The following USH2A variants were observed in gnomAD, a reference collection of about 807,000 sequenced individuals.
USH2A encodes usherin, also known as Usher syndrome 2A (autosomal recessive, mild).
In USH2A, 443 loss-of-function variants were observed where a neutral mutation model predicts 538.9. That is an observed-to-expected ratio of 0.82 (90% CI 0.76 to 0.89). The LOEUF is 0.89. USH2A is among the 40% of genes least tolerant of loss of function. USH2A has a pLI of 0.00. For missense variants in USH2A, 6,633 were observed against 6,324.8 expected, an observed-to-expected ratio of 1.05 and a Z score of -1.65; for synonymous variants, 2,413 against 2,273.5, an observed-to-expected ratio of 1.06 and a Z score of -1.75.
At chr1:215,699,525 G>T (rs955929523) in intron 61 of USH2A, among the ~76,000 whole-genome samples, 58 of 152,188 alleles carry the variant, frequency 3.8e-4, no homozygotes, top group African/African-American at 1.2e-3. Context: ...TCCTTGGGGA[G>T]GTCCTTCACA....
chr1:215,950,221 A>T (rs1182449343), intron 37 of USH2A, among the ~76,000 whole-genome samples: 2 of 152,192 alleles, frequency 1.3e-5, no homozygotes, highest in Non-Finnish European at 2.9e-5. Flanking sequence ...TCTTTCAAAT[A>T]GTAAGAATAA....
At position 215,799,049 on chromosome 1, in the gene USH2A, C is replaced by A. The variant is rs745566865; in HGVS notation, c.9816G>T (p.Pro3272=). The change falls in exon 50 of 72, where the codon CCG becomes CCT. Residue 3272 remains proline (P), a synonymous_variant. Coordinates refer to ENST00000307340, the MANE Select transcript of USH2A (RefSeq NM_206933.4). ...AAATCTGGTTTCCTGAGGTGGAGTACGGCATTCTGCCACAGCAGGAATCAC... is the reference window on the plus strand; with the variant it reads ...AAATCTGGTTTCCTGAGGTGGAGTAAGGCATTCTGCCACAGCAGGAATCAC... ...GIGDSCCGRM[P]YSTSGNQICC... 3.1e-6 allele frequency: 5 copies of A among 1,613,954 alleles called. No individual in the cohort carries two copies. Among genetic ancestry groups the A allele is most frequent in the Non-Finnish European group, 3.4e-6 (4 of 1,180,012 alleles).
intron 32 of USH2A, among the ~76,000 whole-genome samples, chr1:216,001,977 G>C (rs1010482998): frequency 6.6e-6 from 1 of 152,128 alleles, no homozygotes; most frequent in African/African-American, 2.4e-5. Flanking sequence ...TGCAAGTTGA[G>C]ATGGGGCACT....
At chr1:216,118,982 G>T (rs1208839827) in intron 21 of USH2A, among the ~76,000 whole-genome samples, 1 of 152,200 alleles carries the variant, frequency 6.6e-6, no homozygotes, top group African/African-American at 2.4e-5. Flanking sequence ...ACTGAATGCC[G>T]CAAGTGTGCA....
At chr1:216,228,036 G>A (rs1490371793) in intron 14 of USH2A, among the ~76,000 whole-genome samples, 1 of 152,110 alleles carries the variant, frequency 6.6e-6, no homozygotes, top group Non-Finnish European at 1.5e-5. Context: ...TAGGGATGGG[G>A]TTGATCAAAA....
chr1:215,805,327 C>T (rs1335458068), intron 49 of USH2A, among the ~76,000 whole-genome samples: 2 of 151,618 alleles, frequency 1.3e-5, no homozygotes, highest in Non-Finnish European at 2.9e-5. Context: ...ATAAGCCAGA[C>T]ACAAAAAGAC....
intron 64 of USH2A, among the ~76,000 whole-genome samples, chr1:215,669,111 AC>A (rs1336383036): frequency 2.0e-5 from 3 of 152,188 alleles, no homozygotes; most frequent in African/African-American, 7.2e-5. Context: ...CCAGAATTTA[AC>A]CCAATGACAC....
At chr1:216,369,505 T>C (rs1035675509) in intron 3 of USH2A, among the ~76,000 whole-genome samples, 5 of 152,352 alleles carry the variant, frequency 3.3e-5, no homozygotes, top group East Asian at 1.9e-4. Context: ...TATTTCCATA[T>C]AGGCACTTAA....
At chr1:216,367,521 A>G (rs1248087036) in intron 3 of USH2A, among the ~76,000 whole-genome samples, 2 of 152,142 alleles carry the variant, frequency 1.3e-5, no homozygotes, top group African/African-American at 2.4e-5. Context: ...TGTTGTCAAG[A>G]GTTCAGGACC....
intron 31 of USH2A, 121 bp downstream of exon 31, chr1:216,048,413 G>A (rs969378461): frequency 2.0e-6 from 2 of 984,316 alleles, no homozygotes; most frequent in Admixed American, 1.9e-5. Flanking sequence ...GCCTGGCAAT[G>A]CACTTTGTCA....
At chr1:215,757,381 A>G (rs2820729) in intron 58 of USH2A, among the ~76,000 whole-genome samples, 104,175 of 152,032 alleles carry the variant, frequency 0.69, 37,339 homozygotes, top group Middle Eastern at 0.8. Flanking sequence ...CTTTATAGCT[A>G]TACAATAGTA....
chr1:216,325,234 GA>G, intron 6 of USH2A, 70 bp downstream of exon 6: 1 of 1,510,834 alleles, frequency 6.6e-7, no homozygotes, highest in Non-Finnish European at 9.2e-7. Flanking sequence ...GTTGTTTTAA[GA>G]CATGAAGTTT....
At chr1:216,017,184 G>A (rs1668733853) in intron 32 of USH2A, among the ~76,000 whole-genome samples, 2 of 151,680 alleles carry the variant, frequency 1.3e-5, no homozygotes, top group South Asian at 2.1e-4. Context: ...TTCTCTCTCA[G>A]TCTCCTCTCG....
intron 49 of USH2A, among the ~76,000 whole-genome samples, chr1:215,806,578 C>A (rs1169122901): frequency 6.6e-6 from 1 of 152,074 alleles, no homozygotes; most frequent in Non-Finnish European, 1.5e-5. Flanking sequence ...CCAAAATCTA[C>A]TAAAAAGAAC....
At chr1:215,846,920 C>T (rs1663865916) in intron 44 of USH2A, among the ~76,000 whole-genome samples, 1 of 152,286 alleles carries the variant, frequency 6.6e-6, no homozygotes, top group African/African-American at 2.4e-5. Context: ...ATAGCATGCT[C>T]CCCTTAAGGA....
At chr1:215,935,131 A>G (rs1571827285) in intron 37 of USH2A, among the ~76,000 whole-genome samples, 1 of 152,200 alleles carries the variant, frequency 6.6e-6, no homozygotes, top group East Asian at 1.9e-4. Flanking sequence ...TGATTACTTG[A>G]TGAGTTGTTT....
At chr1:215,709,478 A>G (rs570105356) in intron 61 of USH2A, among the ~76,000 whole-genome samples, 222 of 151,720 alleles carry the variant, frequency 1.5e-3, no homozygotes, top group African/African-American at 5.1e-3. Flanking sequence ...AAGAAGAAAA[A>G]CAGAGCAAAA....
chr1:215,856,396 C>G (rs1664167712), intron 44 of USH2A, among the ~76,000 whole-genome samples: 1 of 151,980 alleles, frequency 6.6e-6, no homozygotes, highest in African/African-American at 2.4e-5. Flanking sequence ...AGACAATTCT[C>G]AAAAGAAGAA....
At chr1:216,197,834 T>C (rs1283686378) in intron 18 of USH2A, among the ~76,000 whole-genome samples, 1 of 152,214 alleles carries the variant, frequency 6.6e-6, no homozygotes, top group Non-Finnish European at 1.5e-5. Flanking sequence ...TTGTGAATTA[T>C]AGATTTTGAT....
Sources: allele counts gnomAD v4.1 joint callset (sites outside exome capture counted in the v4.1 genomes callset), GRCh38; gene constraint gnomAD v4.1.1; transcripts MANE v1.5; gene names NCBI Gene and HGNC (gene_info 2026-07-23, HGNC 2026-07-21).